The following XDH variants were observed in gnomAD, a reference collection of about 807,000 sequenced individuals.
The protein encoded by XDH is xanthine dehydrogenase/oxidase.
In XDH, 138 loss-of-function variants were observed where a neutral mutation model predicts 156.1. The ratio of observed to expected loss-of-function variants is 0.88; its 90% CI spans 0.77 to 1.02. XDH has a LOEUF of 1.02. Among genes scored for constraint, XDH ranks in the 50% least tolerant of loss-of-function variants. The pLI is 0.00. For synonymous variants in XDH, 669 were observed against 625.7 expected, an observed-to-expected ratio of 1.07 and a Z score of -1.03; for missense variants, 1,849 against 1,684.9, an observed-to-expected ratio of 1.10 and a Z score of -1.71.
Position 31,398,695 on chromosome 2 carries a change from C to G in XDH, c.311G>C (p.Arg104Thr). 1 of 1,613,660 alleles carries G rather than the reference C, an allele frequency of 6.2e-7. No individual in the cohort carries two copies. The highest frequency in any genetic ancestry group is 1.1e-5 in the South Asian group (1 of 91,028). Residue 104 changes from arginine to threonine, a missense_variant, in exon 5 of 36, where the codon AGA becomes ACA. Physicochemically the swap from Arg to Thr is moderately conservative, Grantham distance 71. Transcript: ENST00000379416. ...CTGGGAGCCGTGGCTTTTGGCAATTCTCTCCTAAAAGATACAGATGACATA... is the reference window on the plus strand; with the variant it reads ...CTGGGAGCCGTGGCTTTTGGCAATTGTCTCCTAAAAGATACAGATGACATA... ...TKTRLHPVQE[R>T]IAKSHGSQCG...
At chr2:31,341,699 C>T (rs1029421435) in intron 32 of XDH, among the ~76,000 whole-genome samples, 3 of 152,106 alleles carry the variant, frequency 2.0e-5, no homozygotes, top group Non-Finnish European at 2.9e-5. Flanking sequence ...AAACCTGGGG[C>T]TTTGAATCTG....
At chr2:31,358,825 G>C (rs1685697383) in intron 24 of XDH, among the ~76,000 whole-genome samples, 1 of 151,998 alleles carries the variant, frequency 6.6e-6, no homozygotes, top group Admixed American at 6.6e-5. Context: ...ATATTTAATG[G>C]TGAAAGACTG....
At chr2:31,369,676 T>C (rs1445119751) in intron 18 of XDH, among the ~76,000 whole-genome samples, 1 of 152,248 alleles carries the variant, frequency 6.6e-6, no homozygotes, top group Non-Finnish European at 1.5e-5. Flanking sequence ...TCTTAAAGTA[T>C]GTAAAGCAAT....
chr2:31,386,178 T>A (rs372652218), intron 9 of XDH, among the ~76,000 whole-genome samples: 1 of 152,130 alleles, frequency 6.6e-6, no homozygotes, highest in Admixed American at 6.5e-5. Context: ...GACAAGCAAC[T>A]TTTCTGAGGT....
chr2:31,372,154 G>A, intron 17 of XDH, 74 bp downstream of exon 17: 2 of 1,609,774 alleles, frequency 1.2e-6, no homozygotes, highest in African/African-American at 2.7e-5. Context: ...CTAGCAGGGT[G>A]AGAGAAGTCT....
At position 31,349,680 on chromosome 2, in the gene XDH, G is replaced by A; in HGVS notation, c.2969+6C>T. On this transcript the variant is annotated splice_donor_region_variant and intron_variant, in intron 26 of 35. Coordinates refer to ENST00000379416, the MANE Select transcript of XDH (RefSeq NM_000379.4). ...GAGCAACTGGACTTCTACTCCTAGT[G>A]CTTACTTGTTGAACTTGTCAACCTC... The A allele has an allele frequency of 1.2e-6, 2 of 1,614,104 alleles. No individual in the cohort carries two copies. The highest frequency in any genetic ancestry group is 1.6e-4 in the Middle Eastern group (1 of 6,062).
intron 33 of XDH, 76 bp from the exon 34 acceptor site, chr2:31,339,753 A>G: frequency 6.4e-7 from 1 of 1,571,200 alleles, no homozygotes; most frequent in Non-Finnish European, 8.7e-7. Context: ...CACAATGGAC[A>G]CAAAGCGCCA....
chr2:31,352,069 G>A (rs769232317), intron 24 of XDH, among the ~76,000 whole-genome samples: 1 of 152,086 alleles, frequency 6.6e-6, no homozygotes, highest in Non-Finnish European at 1.5e-5. Context: ...ATTATTGATA[G>A]CTTCCCCTTC....
chr2:31,381,606 C>T (rs1686437453), intron 12 of XDH, 27 bp downstream of exon 12: 3 of 1,612,222 alleles, frequency 1.9e-6, no homozygotes, highest in Non-Finnish European at 2.5e-6. Flanking sequence ...AGTCCTTCTT[C>T]CTGGACCTCT....
rs567679279 is a variant in XDH, at chr2:31,390,861, T to A, written c.496-2566A>T. Among the ~76,000 whole-genome samples the A allele has an allele frequency of 3.9e-5, 6 of 152,370 alleles. No homozygotes were observed. The South Asian group carries it at 1.2e-3, about 32-fold the overall frequency. On this transcript the variant is annotated intron_variant, in intron 6 of 35. Coordinates refer to ENST00000379416, the MANE Select transcript of XDH (RefSeq NM_000379.4). ...TTTTTTAATTTAGTTGTTCATTGTC[T>A]TATTGCTGAGTTTTATAAGTTCTTT... is the stretch of plus-strand genomic sequence containing the variant.
chr2:31,398,767 C>T (rs1463226011), intron 4 of XDH, 68 bp from the exon 5 acceptor site: 1 of 1,605,046 alleles, frequency 6.2e-7, no homozygotes, highest in East Asian at 2.2e-5. Context: ...AAGGACTCGA[C>T]TGGAGCCAGC....
At chr2:31,341,263 C>T in intron 33 of XDH, 66 bp downstream of exon 33, 1 of 1,470,440 alleles carries the variant, frequency 6.8e-7, no homozygotes, top group Non-Finnish European at 9.3e-7. Context: ...GGCAGGTGGC[C>T]CCAGGAGGGG....
Position 31,335,901 on chromosome 2 carries a change from T to A in XDH, c.*57A>T. ...AGATCCATGTTCTGTGGTATGTTCC[T>A]CCTGCTCCATGGAAGCCCAAAGGCA... is the stretch of plus-strand genomic sequence containing the variant. On this transcript the variant is annotated 3_prime_UTR_variant, in exon 36 of 36. Coordinates refer to ENST00000379416, the MANE Select transcript of XDH (RefSeq NM_000379.4). The A allele has an allele frequency of 5.1e-6, 8 of 1,574,584 alleles. No individual in the cohort carries two copies. The highest frequency in any genetic ancestry group is 2.2e-5 in the South Asian group (2 of 90,232).
At chr2:31,363,945 T>C (rs1685841737) in intron 24 of XDH, among the ~76,000 whole-genome samples, 1 of 152,168 alleles carries the variant, frequency 6.6e-6, no homozygotes, top group South Asian at 2.1e-4. Flanking sequence ...GCAAATTATC[T>C]TGAACAGGAA....
At chr2:31,384,907 G>A (rs943902183) in intron 9 of XDH, among the ~76,000 whole-genome samples, 2 of 152,220 alleles carry the variant, frequency 1.3e-5, no homozygotes, top group African/African-American at 4.8e-5. Context: ...TTGACTGGAG[G>A]TGACTATGCT....
At chr2:31,396,912 A>G (rs927992359) in intron 6 of XDH, among the ~76,000 whole-genome samples, 1 of 152,122 alleles carries the variant, frequency 6.6e-6, no homozygotes, top group African/African-American at 2.4e-5. Context: ...CTTTTTCATG[A>G]TGCTCCAACC....
intron 31 of XDH, among the ~76,000 whole-genome samples, chr2:31,343,304 A>ATATATATATGCATGTT (rs1685176345): frequency 2.0e-5 from 2 of 101,400 alleles, no homozygotes; most frequent in Non-Finnish European, 4.0e-5. Flanking sequence ...ATATATATAT[A>ATATATATATGCATGTT]TATATATATA....
intron 17 of XDH, among the ~76,000 whole-genome samples, chr2:31,370,701 T>C (rs368764072): frequency 3.0e-4 from 45 of 152,286 alleles, no homozygotes; most frequent in African/African-American, 1.0e-3. Context: ...TTGCTGGGGA[T>C]ATAAAGTGAA....
chr2:31,356,478 T>C (rs1428728354), intron 24 of XDH, among the ~76,000 whole-genome samples: 2 of 152,132 alleles, frequency 1.3e-5, no homozygotes, highest in Non-Finnish European at 2.9e-5. Flanking sequence ...GAGAAGTATG[T>C]CTAGGTAGAC....
Sources: gnomAD v4.1 joint callset for allele counts (sites outside exome capture counted in the v4.1 genomes callset) on GRCh38, gnomAD v4.1.1 for gene constraint, MANE v1.5 for transcripts, NCBI Gene and HGNC (gene_info 2026-07-23, HGNC 2026-07-21) for gene names.